The following ZC3H6 variants were observed in gnomAD, a reference collection of about 807,000 sequenced individuals.
The protein encoded by ZC3H6 is zinc finger CCCH-type containing 6, also known as zinc finger CCCH domain-containing protein 6.
A neutral mutation model predicts 107.7 loss-of-function variants in ZC3H6; 40 were observed. That is an observed-to-expected ratio of 0.37 (90% CI 0.29 to 0.48). The LOEUF is 0.48. Ranked by LOEUF, ZC3H6 falls within the 20% of genes least tolerant of loss-of-function variation. The probability of loss-of-function intolerance (pLI) is 0.98; values close to 1 mark genes in which losing one functional copy is unlikely to be tolerated. For synonymous variants in ZC3H6, 493 were observed against 487.9 expected, an observed-to-expected ratio of 1.01 and a Z score of -0.14; for missense variants, 1,267 against 1,410.4, an observed-to-expected ratio of 0.90 and a Z score of 1.63.
intron 3 of ZC3H6, among the ~76,000 whole-genome samples, chr2:112,304,878 A>G (rs1676446908): frequency 6.6e-6 from 1 of 152,182 alleles, no homozygotes. Context: ...TTATTTCTAT[A>G]GTCTGATTCA....
At chr2:112,330,187 G>C (rs1676998744) in intron 11 of ZC3H6, among the ~76,000 whole-genome samples, 1 of 151,790 alleles carries the variant, frequency 6.6e-6, no homozygotes, top group Non-Finnish European at 1.5e-5. Flanking sequence ...TGAGTAGCTG[G>C]GACTACATGT....
At chr2:112,322,612 T>C in intron 8 of ZC3H6, 37 bp from the exon 9 acceptor site, 1 of 1,557,068 alleles carries the variant, frequency 6.4e-7, no homozygotes, top group Non-Finnish European at 8.6e-7. Context: ...AGGAAAAGAC[T>C]CGCTTTGAAA....
At chr2:112,323,368 C>G (rs1401695463) in intron 9 of ZC3H6, among the ~76,000 whole-genome samples, 4 of 152,300 alleles carry the variant, frequency 2.6e-5, no homozygotes, top group Non-Finnish European at 5.9e-5. Context: ...CACCTGGGCC[C>G]TAAGTCACAT....
At chr2:112,289,121 A>G (rs1471688701) in intron 1 of ZC3H6, among the ~76,000 whole-genome samples, 8 of 151,224 alleles carry the variant, frequency 5.3e-5, no homozygotes, top group Admixed American at 1.3e-4. Flanking sequence ...CAGTGGCACA[A>G]TATCGGCTCA....
chr2:112,324,119 T>C, intron 9 of ZC3H6, 33 bp from the exon 10 acceptor site: 1 of 1,520,300 alleles, frequency 6.6e-7, no homozygotes, highest in African/African-American at 1.4e-5. Flanking sequence ...TCTTTTTCTT[T>C]GAACTAAGAA....
At chr2:112,298,654 C>T (rs970800680) in intron 1 of ZC3H6, among the ~76,000 whole-genome samples, 9 of 152,296 alleles carry the variant, frequency 5.9e-5, no homozygotes, top group African/African-American at 1.9e-4. Context: ...AATCAAATGC[C>T]CAGCTCTATG....
At chr2:112,296,698 G>T (rs956720210) in intron 1 of ZC3H6, among the ~76,000 whole-genome samples, 1 of 152,090 alleles carries the variant, frequency 6.6e-6, no homozygotes, top group African/African-American at 2.4e-5. Flanking sequence ...CCACTTTAGG[G>T]TCGTATCATA....
At chr2:112,276,524 C>T (rs769052636) in intron 1 of ZC3H6, among the ~76,000 whole-genome samples, 4 of 152,122 alleles carry the variant, frequency 2.6e-5, no homozygotes, top group Non-Finnish European at 4.4e-5. Context: ...CTGTTGTATA[C>T]AGTCTTATCC....
intron 11 of ZC3H6, among the ~76,000 whole-genome samples, chr2:112,327,835 T>C (rs1387592812): frequency 6.6e-6 from 1 of 152,174 alleles, no homozygotes; most frequent in Admixed American, 6.5e-5. Flanking sequence ...TATGGGTTTC[T>C]TTCTGGGTTC....
intron 9 of ZC3H6, 77 bp downstream of exon 9, chr2:112,322,979 A>G (rs1471065003): frequency 4.2e-6 from 6 of 1,423,388 alleles, no homozygotes; most frequent in Non-Finnish European, 5.7e-6. Context: ...TCATACTCCA[A>G]GCTAATCATG....
rs1558960053 is a variant in ZC3H6, at chr2:112,334,858, A to G, written c.*2370A>G. Reference sequence around the variant, plus strand: ...AGGTCAATTGGTGTTTTTAGAATCCATGTAATTTGATTTGCACTGTTAGAT... The same window carrying G: ...AGGTCAATTGGTGTTTTTAGAATCCGTGTAATTTGATTTGCACTGTTAGAT... On this transcript the variant is annotated 3_prime_UTR_variant, in exon 12 of 12. Coordinates refer to ENST00000409871, the MANE Select transcript of ZC3H6 (RefSeq NM_198581.3). The G allele has an allele frequency of 6.6e-6, 1 of 152,562 alleles. No homozygotes were observed. The highest frequency in any genetic ancestry group is 1.5e-5 in the Non-Finnish European group (1 of 68,006). The allele number at this position is 152,562 out of a possible 1,614,324, so 9.5% of individuals were successfully genotyped here.
At chr2:112,286,382 A>C (rs1326299034) in intron 1 of ZC3H6, 1 of 190,398 alleles carries the variant, frequency 5.3e-6, no homozygotes, top group African/African-American at 2.4e-5. Flanking sequence ...GGTTGAGGGC[A>C]TAGTGGCCAG....
At chr2:112,296,981 G>A (rs1049629007) in intron 1 of ZC3H6, among the ~76,000 whole-genome samples, 4 of 152,182 alleles carry the variant, frequency 2.6e-5, no homozygotes, top group Non-Finnish European at 4.4e-5. Context: ...AACTGCATCC[G>A]AAATACTGAA....
In ZC3H6 at chr2:112,299,980, AAGAG is replaced by A. The variant is rs1162388557; in HGVS notation, c.172_175del (p.Glu58ArgfsTer63). ...AGAAAATCAAGAAAAAAACATAAGAAAGAGAGAGAGAAGAAAAAATCCAAAAGGA... is the reference window on the plus strand; with the variant it reads ...AGAAAATCAAGAAAAAAACATAAGAAAGAGAGAAGAAAAAATCCAAAAGGA... On this transcript the variant is annotated frameshift_variant, in exon 2 of 12. Coordinates refer to ENST00000409871, the MANE Select transcript of ZC3H6 (RefSeq NM_198581.3). LOFTEE classifies it high-confidence loss of function. The A allele has an allele frequency of 6.7e-7, 1 of 1,499,178 alleles. No individual in the cohort carries two copies. 92.9% of individuals were successfully genotyped at this position (1,499,178 alleles called of 1,614,324 possible). A position where few individuals can be genotyped will look rare whatever the true frequency, so the allele number is the denominator to read the frequency against.
chr2:112,282,854 C>T (rs1686550641), intron 1 of ZC3H6, among the ~76,000 whole-genome samples: 1 of 152,178 alleles, frequency 6.6e-6, no homozygotes, highest in Admixed American at 6.5e-5. Context: ...ATAATCTCAG[C>T]TCCATGATAT....
intron 5 of ZC3H6, 88 bp from the exon 6 acceptor site, chr2:112,316,382 G>A: frequency 2.5e-6 from 2 of 786,548 alleles, no homozygotes; most frequent in South Asian, 3.3e-5. Context: ...TAGTCAATTT[G>A]TACTTTTTTC....
At position 112,324,396 on chromosome 2, in the gene ZC3H6, C is replaced by T; in HGVS notation, c.1585C>T (p.Gln529Ter). The change falls in exon 10 of 12, where the codon CAA becomes TAA. Residue 529 changes from glutamine to a stop codon, truncating the protein, a stop_gained. Transcript: ENST00000409871. LOFTEE classifies it high-confidence loss of function. Reference protein sequence around the residue: ...PPGPPEIVGPQNQAGVLVQPD... With the variant: ...PPGPPEIVGP ...TGGTCCACCTGAAATTGTAGGTCCT[C>T]AAAATCAAGCTGGAGTGCTTGTTCA... 6.2e-7 allele frequency: 1 copy of T among 1,614,004 alleles called. No individual in the cohort carries two copies.
chr2:112,285,420 G>A (rs1297519801), intron 1 of ZC3H6, among the ~76,000 whole-genome samples: 2 of 151,778 alleles, frequency 1.3e-5, no homozygotes, highest in Admixed American at 6.6e-5. Flanking sequence ...GCAGTGGTGG[G>A]ATCTTGGCTC....
chr2:112,332,537 C>T lies in ZC3H6; in HGVS notation c.*49C>T. On this transcript the variant is annotated 3_prime_UTR_variant, in exon 12 of 12. Coordinates refer to ENST00000409871, the MANE Select transcript of ZC3H6 (RefSeq NM_198581.3). The stretch of plus-strand genomic sequence containing the variant: ...TTTCACTCTTGTGACTATCTCAGTC[C>T]TCTGCTGTTTTGTAACTGGTTTACC... 1 of 1,525,956 alleles carries T rather than the reference C, an allele frequency of 6.6e-7. No individual in the cohort carries two copies. The highest frequency in any genetic ancestry group is 8.8e-7 in the Non-Finnish European group (1 of 1,135,458). The allele number at this position is 1,525,956 out of a possible 1,614,324, so 94.5% of individuals were successfully genotyped here.
Sources: gnomAD v4.1 joint callset for allele counts (sites outside exome capture counted in the v4.1 genomes callset) on GRCh38, gnomAD v4.1.1 for gene constraint, MANE v1.5 for transcripts, NCBI Gene and HGNC (gene_info 2026-07-23, HGNC 2026-07-21) for gene names.